SLC26A7: variants seen among roughly 807,000 people sequenced by gnomAD.
The protein encoded by SLC26A7 is anion exchange transporter.
A neutral mutation model predicts 82.5 loss-of-function variants in SLC26A7; 59 were observed. The ratio of observed to expected loss-of-function variants is 0.72; its 90% CI spans 0.58 to 0.89. The LOEUF (loss-of-function observed/expected upper bound fraction) is 0.89, where lower values mean the gene tolerates loss of function less well. Ranked by LOEUF, SLC26A7 falls within the 40% of genes least tolerant of loss-of-function variation. The pLI, the probability that SLC26A7 is intolerant of heterozygous loss-of-function variation, is 0.00. For missense variants in SLC26A7, 820 were observed against 793.0 expected (o/e 1.03, Z -0.41); for synonymous variants, 271 against 274.3 (o/e 0.99, Z 0.12).
chr8:91,352,869 T>C, intron 10 of SLC26A7, 32 bp from the exon 11 acceptor site: 2 of 1,540,462 alleles, frequency 1.3e-6, no homozygotes, highest in Non-Finnish European at 1.8e-6. Flanking sequence ...ATTTTTATGT[T>C]GCTTCTTCTT....
intron 4 of SLC26A7, among the ~76,000 whole-genome samples, chr8:91,316,910 T>C (rs1395865684): frequency 6.9e-6 from 1 of 144,970 alleles, no homozygotes; most frequent in East Asian, 2.0e-4. Flanking sequence ...TCTCAGCACT[T>C]TGGGAGACCA....
intron 7 of SLC26A7, among the ~76,000 whole-genome samples, chr8:91,340,138 G>A (rs1813361522): frequency 6.6e-6 from 1 of 152,174 alleles, no homozygotes; most frequent in Non-Finnish European, 1.5e-5. Flanking sequence ...TCGAGTCAGA[G>A]TTTCTGTGGT....
At chr8:91,392,775 T>C (rs1323372114) in intron 16 of SLC26A7, among the ~76,000 whole-genome samples, 2 of 152,174 alleles carry the variant, frequency 1.3e-5, no homozygotes, top group Non-Finnish European at 2.9e-5. Context: ...AACTGGAGAT[T>C]ATATTTATCA....
At chr8:91,303,480 A>T (rs1812222673) in intron 4 of SLC26A7, among the ~76,000 whole-genome samples, 1 of 152,166 alleles carries the variant, frequency 6.6e-6, no homozygotes, top group South Asian at 2.1e-4. Flanking sequence ...AGAAAGGTGT[A>T]TTCATTACTG....
chr8:91,348,951 C>T (rs1813640301), intron 9 of SLC26A7, among the ~76,000 whole-genome samples: 1 of 152,154 alleles, frequency 6.6e-6, no homozygotes, highest in Non-Finnish European at 1.5e-5. Context: ...TTAATTTGAG[C>T]TCTTTTTGAA....
intron 1 of SLC26A7, among the ~76,000 whole-genome samples, chr8:91,211,698 A>G (rs1809927943): frequency 6.6e-6 from 1 of 150,754 alleles, no homozygotes; most frequent in Admixed American, 6.6e-5. Flanking sequence ...TCAGAAACTA[A>G]ACTTAGAGAC....
intron 4 of SLC26A7, among the ~76,000 whole-genome samples, chr8:91,299,519 G>T (rs1232190158): frequency 1.3e-5 from 2 of 151,844 alleles, no homozygotes; most frequent in African/African-American, 4.8e-5. Flanking sequence ...CTAAGTTGCT[G>T]CCTACTTGTG....
intron 9 of SLC26A7, among the ~76,000 whole-genome samples, chr8:91,350,507 C>T (rs1419549316): frequency 6.6e-6 from 1 of 151,906 alleles, no homozygotes; most frequent in African/African-American, 2.4e-5. Flanking sequence ...AAAAAGTTTT[C>T]TCATACTCTT....
At chr8:91,236,839 G>T (rs1810399678) in intron 2 of SLC26A7, among the ~76,000 whole-genome samples, 1 of 152,058 alleles carries the variant, frequency 6.6e-6, no homozygotes, top group Non-Finnish European at 1.5e-5. Context: ...ATTTATATAT[G>T]TGCAGAATAA....
At chr8:91,339,402 A>C (rs1813336533) in intron 7 of SLC26A7, among the ~76,000 whole-genome samples, 1 of 152,148 alleles carries the variant, frequency 6.6e-6, no homozygotes, top group Non-Finnish European at 1.5e-5. Flanking sequence ...AGTGGAGCTG[A>C]GATTGCATTC....
At position 91,249,554 on chromosome 8, in the gene SLC26A7, C is replaced by G; in HGVS notation, c.-98C>G. On this transcript the variant is annotated 5_prime_UTR_variant, in exon 2 of 19. Coordinates refer to ENST00000276609, the MANE Select transcript of SLC26A7 (RefSeq NM_052832.4). The stretch of plus-strand genomic sequence containing the variant: ...TTCTGGGCAGCTTTGACATTGTAAA[C>G]CACAGACGAATTGGAGCTTGGCATT... The G allele has an allele frequency of 1.0e-6, 1 of 989,474 alleles. No individual in the cohort carries two copies. Among genetic ancestry groups the G allele is most frequent in the Admixed American group, 3.6e-5 (1 of 27,778 alleles). 61.3% of individuals were successfully genotyped at this position (989,474 alleles called of 1,614,324 possible).
intron 4 of SLC26A7, among the ~76,000 whole-genome samples, chr8:91,316,977 G>C: frequency 1.0e-5 from 1 of 99,470 alleles, no homozygotes; most frequent in African/African-American, 3.9e-5. Context: ...AACACAGTGA[G>C]ACCCTGTCTC....
intron 6 of SLC26A7, among the ~76,000 whole-genome samples, chr8:91,336,146 G>A (rs911677748): frequency 6.6e-6 from 1 of 152,154 alleles, no homozygotes; most frequent in Non-Finnish European, 1.5e-5. Context: ...CCAGAGTGTG[G>A]TTCAGAAAGA....
At chr8:91,286,271 T>C (rs1365636803) in intron 2 of SLC26A7, among the ~76,000 whole-genome samples, 1 of 152,212 alleles carries the variant, frequency 6.6e-6, no homozygotes, top group Non-Finnish European at 1.5e-5. Context: ...AGGTTGGTAG[T>C]GTTCACAAAC....
intron 1 of SLC26A7, among the ~76,000 whole-genome samples, chr8:91,211,497 A>G (rs1809917874): frequency 6.6e-6 from 1 of 151,146 alleles, no homozygotes; most frequent in South Asian, 2.1e-4. Context: ...GAAAACATGC[A>G]CAGAATACTT....
intron 4 of SLC26A7, among the ~76,000 whole-genome samples, chr8:91,315,549 C>T (rs1225139302): frequency 1.3e-5 from 2 of 151,880 alleles, no homozygotes; most frequent in Non-Finnish European, 2.9e-5. Context: ...CAAATACAGT[C>T]GCTAAAAAAA....
chr8:91,299,209 G>A (rs1812095685), intron 4 of SLC26A7, among the ~76,000 whole-genome samples: 1 of 151,816 alleles, frequency 6.6e-6, no homozygotes, highest in East Asian at 1.9e-4. Flanking sequence ...ATGGATATTA[G>A]CCCTTTTTCT....
chr8:91,336,396 G>A (rs1375685965), intron 6 of SLC26A7, among the ~76,000 whole-genome samples: 1 of 152,022 alleles, frequency 6.6e-6, no homozygotes, highest in African/African-American at 2.4e-5. Flanking sequence ...ATTCTCATAG[G>A]AACACGAACC....
At position 91,363,554 on chromosome 8, in the gene SLC26A7, T is replaced by G; in HGVS notation, c.1488+16T>G. Reference sequence around the variant, plus strand: ...AATGGACAGTGTAAGTTTAGTTTTATTTTTCCTTTATGCAATTGTTAATCA... The same window carrying G: ...AATGGACAGTGTAAGTTTAGTTTTAGTTTTCCTTTATGCAATTGTTAATCA... On this transcript the variant is annotated intron_variant, in intron 13 of 18. Coordinates refer to ENST00000276609, the MANE Select transcript of SLC26A7 (RefSeq NM_052832.4). The G allele has an allele frequency of 2.1e-6, 3 of 1,414,100 alleles. No homozygotes were observed. The highest frequency in any genetic ancestry group is 2.9e-6 in the Non-Finnish European group (3 of 1,029,676). The allele number at this position is 1,414,100 out of a possible 1,614,324, so 87.6% of individuals were successfully genotyped here.
Sources: gnomAD v4.1 joint callset for allele counts (sites outside exome capture counted in the v4.1 genomes callset) on GRCh38, gnomAD v4.1.1 for gene constraint, MANE v1.5 for transcripts, NCBI Gene and HGNC (gene_info 2026-07-23, HGNC 2026-07-21) for gene names.